The following MTTP variants were observed in gnomAD, a reference collection of about 807,000 sequenced individuals.
MTTP encodes microsomal triglyceride transfer protein.
In MTTP, 49 loss-of-function variants were observed where a neutral mutation model predicts 90.6. The ratio of observed to expected loss-of-function variants is 0.54; its 90% CI spans 0.43 to 0.69. The LOEUF (loss-of-function observed/expected upper bound fraction) is 0.69. Among genes scored for constraint, MTTP ranks in the 30% least tolerant of loss-of-function variants. The pLI is 0.00. For missense variants in MTTP, 945 were observed against 1,067.5 expected (o/e 0.89, Z 1.60); for synonymous variants, 347 against 384.2 (o/e 0.90, Z 1.13).
chr4:99,619,855 A>C (rs3828543), intron 16 of MTTP, among the ~76,000 whole-genome samples: 71,699 of 152,020 alleles, frequency 0.47, 19,903 homozygotes, highest in African/African-American at 0.76. Context: ...CCAAAAGGAA[A>C]CACAGAATGA....
chr4:99,600,495 T>G, intron 8 of MTTP, 70 bp from the exon 9 acceptor site: 3 of 1,454,518 alleles, frequency 2.1e-6, no homozygotes. Context: ...AGAAACTCTG[T>G]GAATGGTAGA....
At chr4:99,590,165 G>A (rs1725380229) in intron 4 of MTTP, among the ~76,000 whole-genome samples, 1 of 151,954 alleles carries the variant, frequency 6.6e-6, no homozygotes, top group East Asian at 1.9e-4. Context: ...GCGCAATCTC[G>A]GCTCACTGCA....
intron 3 of MTTP, among the ~76,000 whole-genome samples, chr4:99,584,884 G>A (rs1725220162): frequency 6.6e-6 from 1 of 152,028 alleles, no homozygotes; most frequent in Admixed American, 6.6e-5. Flanking sequence ...AAAGCACCCA[G>A]AATTATGCCT....
intron 12 of MTTP, among the ~76,000 whole-genome samples, chr4:99,610,703 A>C (rs1725928594): frequency 6.6e-6 from 1 of 152,194 alleles, no homozygotes; most frequent in Admixed American, 6.5e-5. Context: ...GAAATACTGG[A>C]AATGTACTGT....
intron 15 of MTTP, among the ~76,000 whole-genome samples, chr4:99,616,892 A>G (rs1431239678): frequency 6.6e-6 from 1 of 152,170 alleles, no homozygotes; most frequent in Non-Finnish European, 1.5e-5. Context: ...CACTTGGTGT[A>G]TTTTGCCTTC....
chr4:99,621,773 T>C (rs1247588971), intron 17 of MTTP, among the ~76,000 whole-genome samples: 1 of 152,232 alleles, frequency 6.6e-6, no homozygotes, highest in Non-Finnish European at 1.5e-5. Flanking sequence ...TAGTTAGTGT[T>C]TTAAAATACA....
At chr4:99,574,597 T>G, upstream of MTTP, 2 of 473,822 alleles carry the variant, frequency 4.2e-6, no homozygotes, top group Non-Finnish European at 7.7e-6. Flanking sequence ...TACTTCTGCA[T>G]TTATAGGATG....
Position 99,583,495 on chromosome 4 carries a change from TC to T in MTTP, c.373del (p.Leu125PhefsTer3), listed in dbSNP as rs2110212747. ...ENLEALQRPT[L>X]LHLIHGKVKE... is the part of the protein sequence containing the mutation. ...TTGGAAGCTCTGCAAAGACCTACGCTCCTTCATCTAATCCATGGAAAGGTAA... is the reference window on the plus strand; with the variant it reads ...TTGGAAGCTCTGCAAAGACCTACGCTCTTCATCTAATCCATGGAAAGGTAA... On this transcript the variant is annotated frameshift_variant, in exon 3 of 18. Coordinates refer to ENST00000265517, the MANE Select transcript of MTTP (RefSeq NM_001386140.1). LOFTEE classifies it high-confidence loss of function. 6 of 1,613,644 alleles carry T rather than the reference TC, an allele frequency of 3.7e-6. No individual in the cohort carries two copies. The highest frequency in any genetic ancestry group is 5.1e-6 in the Non-Finnish European group (6 of 1,179,812).
intron 10 of MTTP, among the ~76,000 whole-genome samples, chr4:99,606,371 G>T (rs1044887814): frequency 6.6e-6 from 1 of 152,156 alleles, no homozygotes; most frequent in African/African-American, 2.4e-5. Context: ...CTTAAGGAAA[G>T]GTGTATGGTG....
intron 10 of MTTP, among the ~76,000 whole-genome samples, chr4:99,605,039 T>C (rs892809527): frequency 6.6e-6 from 1 of 152,220 alleles, no homozygotes; most frequent in African/African-American, 2.4e-5. Flanking sequence ...TTGATAGACA[T>C]TTAGTTTCAT....
chr4:99,584,185 G>A (rs2110213196), intron 3 of MTTP: 1 of 152,166 alleles, frequency 6.6e-6, no homozygotes, highest in Non-Finnish European at 1.5e-5. Context: ...ATTTGGAATT[G>A]AGAAACAATT....
rs556617892 is a variant in MTTP, at chr4:99,582,880, A to G, written c.250-494A>G. ...ATTGCTCTTGTGTTTTCCAAGTTAGATCTAAGCATCATCATCCATCTCTCT... is the reference window on the plus strand; with the variant it reads ...ATTGCTCTTGTGTTTTCCAAGTTAGGTCTAAGCATCATCATCCATCTCTCT... On this transcript the variant is annotated intron_variant, in intron 2 of 17. Coordinates refer to ENST00000265517, the MANE Select transcript of MTTP (RefSeq NM_001386140.1). Among the ~76,000 whole-genome samples, 24 of 152,280 alleles carry G rather than the reference A, an allele frequency of 1.6e-4. No homozygotes were observed. In the South Asian group the frequency reaches 1.7e-3, roughly 11 times the overall value.
chr4:99,573,666 A>G (rs1407702665), upstream of MTTP, among the ~76,000 whole-genome samples: 1 of 152,146 alleles, frequency 6.6e-6, no homozygotes, highest in Non-Finnish European at 1.5e-5. Context: ...TATCAAGTCT[A>G]CTATCTTTTA....
At position 99,622,660 on chromosome 4, in the gene MTTP, T is replaced by A; in HGVS notation, c.2514-17T>A. 1.2e-6 allele frequency: 2 copies of A among 1,613,368 alleles called. No individual in the cohort carries two copies. Among genetic ancestry groups the A allele is most frequent in the Non-Finnish European group, 1.7e-6 (2 of 1,179,358 alleles). On this transcript the variant is annotated splice_polypyrimidine_tract_variant and intron_variant, in intron 17 of 17. Coordinates refer to ENST00000265517, the MANE Select transcript of MTTP (RefSeq NM_001386140.1). ...AACTGTGTGTGTAATTCTGTTATTG[T>A]TGCTGTTGTTGTACAGGCAATTTGA...
In MTTP at chr4:99,623,042, A is replaced by C. The variant is rs1578259575; in HGVS notation, c.*194A>C. The C allele has an allele frequency of 1.1e-5, 7 of 628,478 alleles. No homozygotes were observed. The East Asian group carries it at 1.4e-4, about 13-fold the overall frequency. 38.9% of individuals were successfully genotyped at this position (628,478 alleles called of 1,614,324 possible). On this transcript the variant is annotated 3_prime_UTR_variant, in exon 18 of 18. Coordinates refer to ENST00000265517, the MANE Select transcript of MTTP (RefSeq NM_001386140.1). ...TATGCTACCCACAGCGTCATTTTGA[A>C]TCATCATGTGACGCTTTCAACAACG...
rs554831974 is a variant in MTTP at position 99,581,987 on chromosome 4, A to G, written c.144A>G (p.Lys48=). Reference sequence around the variant, plus strand: ...CTGAAGTTCTTCTTGATCGGGGCAAAGGAAAACTGCAAGACAGCGTGGGCT... The same window carrying G: ...CTGAAGTTCTTCTTGATCGGGGCAAGGGAAAACTGCAAGACAGCGTGGGCT... ...YSTEVLLDRG[K]GKLQDSVGYR... is the part of the protein sequence containing the mutation. The change falls in exon 2 of 18, where the codon AAA becomes AAG. Residue 48 remains lysine, a synonymous_variant. Transcript: ENST00000265517. 6.2e-7 allele frequency: 1 copy of G among 1,614,214 alleles called. No individual in the cohort carries two copies. Among genetic ancestry groups the G allele is most frequent in the South Asian group, 1.1e-5 (1 of 91,086 alleles).
chr4:99,569,426 T>C (rs1421489429), intron 1 of MTTP, among the ~76,000 whole-genome samples: 3 of 149,644 alleles, frequency 2.0e-5, no homozygotes, highest in African/African-American at 7.6e-5. Flanking sequence ...GTATGAATTT[T>C]AGTTAATAAT....
chr4:99,581,118 A>C (rs1432864474), intron 1 of MTTP, among the ~76,000 whole-genome samples: 1 of 152,200 alleles, frequency 6.6e-6, no homozygotes, highest in Non-Finnish European at 1.5e-5. Context: ...TTATGTGACC[A>C]TACATTTTAA....
At chr4:99,617,943 G>A (rs1211157653) in intron 15 of MTTP, among the ~76,000 whole-genome samples, 3 of 152,110 alleles carry the variant, frequency 2.0e-5, no homozygotes, top group Non-Finnish European at 4.4e-5. Context: ...TTTTCTAGTT[G>A]GATGTAGGCA....
Sources: gnomAD v4.1 joint callset for allele counts (sites outside exome capture counted in the v4.1 genomes callset) on GRCh38, gnomAD v4.1.1 for gene constraint, MANE v1.5 for transcripts, NCBI Gene and HGNC (gene_info 2026-07-23, HGNC 2026-07-21) for gene names.